Variants in MATR3 observed in about 807,000 individuals in gnomAD.
The protein encoded by MATR3 is matrin 3.
MATR3 carries 4 observed loss-of-function variants against 85.5 expected under a neutral mutation model. The observed-to-expected ratio is 0.05, with a 90% confidence interval of 0.02 to 0.11. The LOEUF is 0.11. Ranked by LOEUF, MATR3 falls within the 10% of genes least tolerant of loss-of-function variation. The probability of loss-of-function intolerance (pLI) is 1.00; values close to 1 mark genes in which losing one functional copy is unlikely to be tolerated. For missense variants in MATR3, 685 were observed against 1,016.1 expected (o/e 0.67, Z 4.43); for synonymous variants, 336 against 343.1 (o/e 0.98, Z 0.23).
chr5:139,290,559 C>G (rs1490369747), upstream of MATR3, among the ~76,000 whole-genome samples: 1 of 148,694 alleles, frequency 6.7e-6, no homozygotes, highest in Admixed American at 6.8e-5. Flanking sequence ...CTGACCCTGT[C>G]TACCCCTGCC....
At chr5:139,293,848 G>C (rs1753980299) in intron 1 of MATR3, 43 bp downstream of exon 1, 1 of 518,856 alleles carries the variant, frequency 1.9e-6, no homozygotes, top group Non-Finnish European at 3.0e-6. Flanking sequence ...GTGGCTGGGG[G>C]TTCTCCGTGT....
intron 1 of MATR3, among the ~76,000 whole-genome samples, chr5:139,302,646 A>G (rs1226718555): frequency 1.3e-5 from 2 of 152,228 alleles, no homozygotes. Context: ...TGTGTGATTT[A>G]TGACAAAAAT....
intron 2 of MATR3, chr5:139,278,882 G>C: frequency 1.9e-6 from 1 of 517,412 alleles, no homozygotes. Context: ...TCCAAGCACT[G>C]TTTTGGTGTT....
intron 1 of MATR3, among the ~76,000 whole-genome samples, chr5:139,295,969 G>A (rs951388329): frequency 2.6e-5 from 4 of 152,066 alleles, no homozygotes; most frequent in Non-Finnish European, 5.9e-5. Flanking sequence ...GATCACAGGC[G>A]CGCGCCACCA....
chr5:139,293,125 T>C (rs1003568918), upstream of MATR3: 2 of 152,026 alleles, frequency 1.3e-5, no homozygotes, highest in African/African-American at 4.8e-5. Context: ...CTGGCCATGG[T>C]GGTGCGAGCC....
At chr5:139,289,802 C>A (rs1753814907), upstream of MATR3, among the ~76,000 whole-genome samples, 1 of 152,186 alleles carries the variant, frequency 6.6e-6, no homozygotes, top group African/African-American at 2.4e-5. Context: ...CTCTTCATAG[C>A]CAAAATTTTC....
At chr5:139,288,742 G>A (rs1312524595), upstream of MATR3, among the ~76,000 whole-genome samples, 3 of 152,030 alleles carry the variant, frequency 2.0e-5, no homozygotes, top group Non-Finnish European at 4.4e-5. Flanking sequence ...CTGGGTTCAC[G>A]CCATTCTCCT....
chr5:139,291,642 G>A (rs1753873516), upstream of MATR3, among the ~76,000 whole-genome samples: 4 of 151,950 alleles, frequency 2.6e-5, no homozygotes, highest in Admixed American at 1.3e-4. Flanking sequence ...GGGTTCAAGC[G>A]ATTCTCCTGC....
chr5:139,287,190 T>G (rs1398268915), intron 3 of MATR3, among the ~76,000 whole-genome samples: 1 of 152,260 alleles, frequency 6.6e-6, no homozygotes, highest in Non-Finnish European at 1.5e-5. Context: ...ACTCCTCATA[T>G]TCACATAATA....
intron 2 of MATR3, chr5:139,278,242 T>TATA (rs1224522712): frequency 2.3e-6 from 1 of 430,354 alleles, no homozygotes; most frequent in East Asian, 7.3e-5. Flanking sequence ...AATATATATA[T>TATA]ATATATACAC....
intron 3 of MATR3, among the ~76,000 whole-genome samples, chr5:139,286,086 A>C (rs1753693200): frequency 6.6e-6 from 1 of 152,204 alleles, no homozygotes; most frequent in Non-Finnish European, 1.5e-5. Context: ...CTCAAAAGAC[A>C]GAGTTTTGAA....
intron 1 of MATR3, among the ~76,000 whole-genome samples, chr5:139,297,109 C>T (rs1754195895): frequency 6.6e-6 from 1 of 152,078 alleles, no homozygotes; most frequent in Non-Finnish European, 1.5e-5. Context: ...ACCCAGGAGG[C>T]GGAGGTAGCA....
intron 1 of MATR3, among the ~76,000 whole-genome samples, chr5:139,275,745 G>T (rs1430115094): frequency 6.6e-6 from 1 of 152,178 alleles, no homozygotes; most frequent in African/African-American, 2.4e-5. Context: ...AGTGGAGGCT[G>T]CAGTGAGCCA....
At chr5:139,293,494 G>C (rs1038412361), upstream of MATR3, 1 of 154,090 alleles carries the variant, frequency 6.5e-6, no homozygotes, top group Non-Finnish European at 1.4e-5. Context: ...ACTCGAACTC[G>C]TAAGCCACGT....
intron 5 of MATR3, among the ~76,000 whole-genome samples, 178 bp downstream of exon 5, chr5:139,316,366 C>G (rs1443738652): frequency 6.6e-6 from 1 of 152,170 alleles, no homozygotes; most frequent in Admixed American, 6.5e-5. Flanking sequence ...CTGCTTCAGC[C>G]TACCGAGTAG....
intron 2 of MATR3, chr5:139,310,134 TGAA>T (rs750751511): frequency 1.1e-4 from 17 of 152,342 alleles, no homozygotes; most frequent in Admixed American, 2.6e-4. Context: ...TTCTAGTTCC[TGAA>T]GAAGGCTAAT....
rs1755280014 is a variant in MATR3 at position 139,316,966 on chromosome 5, G to T, written c.1130-87G>T. Reference sequence around the variant, plus strand: ...ATATTTGTAAGAGCTTTTCATTTGTGTTTGGAAGATGCACGTTTTTCAGTA... The same window carrying T: ...ATATTTGTAAGAGCTTTTCATTTGTTTTTGGAAGATGCACGTTTTTCAGTA... On this transcript the variant is annotated intron_variant, in intron 5 of 14. Transcript: ENST00000394805. 1.6e-5 allele frequency: 16 copies of T among 1,003,530 alleles called. 1 individual carries two copies. In the South Asian group the frequency reaches 2.1e-4, roughly 13 times the overall value. 62.2% of individuals were successfully genotyped at this position (1,003,530 alleles called of 1,614,324 possible). A position where few individuals can be genotyped will look rare whatever the true frequency, so the allele number is the denominator to read the frequency against.
upstream of MATR3, chr5:139,292,144 T>A (rs916832826): frequency 1.3e-5 from 2 of 151,830 alleles, no homozygotes; most frequent in African/African-American, 4.8e-5. Context: ...ATTATTTTAG[T>A]AGAGACGGTG....
intron 1 of MATR3, among the ~76,000 whole-genome samples, chr5:139,303,623 A>G (rs1023533522): frequency 3.3e-5 from 5 of 152,132 alleles, no homozygotes; most frequent in Non-Finnish European, 5.9e-5. Context: ...AGTCCCGGCT[A>G]CTTGGGCTGA....
Sources: gnomAD v4.1 joint callset for allele counts (sites outside exome capture counted in the v4.1 genomes callset) on GRCh38, gnomAD v4.1.1 for gene constraint, MANE v1.5 for transcripts, NCBI Gene and HGNC (gene_info 2026-07-23, HGNC 2026-07-21) for gene names.